Variants in TCF7L2 observed in about 807,000 individuals in gnomAD.
TCF7L2 encodes the protein transcription factor 7 like 2.
A neutral mutation model predicts 77.9 loss-of-function variants in TCF7L2; 23 were observed. The ratio of observed to expected loss-of-function variants is 0.30; its 90% confidence interval spans 0.21 to 0.42. TCF7L2 has a LOEUF of 0.42. Ranked by LOEUF, TCF7L2 falls within the 10% of genes least tolerant of loss-of-function variation. The pLI is 1.00. For synonymous variants in TCF7L2, 413 were observed against 340.2 expected, an observed-to-expected ratio of 1.21 and a Z score of -2.36; for missense variants, 654 against 793.1, an observed-to-expected ratio of 0.82 and a Z score of 2.11.
At chr10:113,137,957 G>A (rs1361244430) in intron 5 of TCF7L2, among the ~76,000 whole-genome samples, 1 of 152,188 alleles carries the variant, frequency 6.6e-6, no homozygotes, top group Non-Finnish European at 1.5e-5. Flanking sequence ...GTCTGAGGCC[G>A]GAGAGACATA....
rs2074008695 is a variant in TCF7L2, at chr10:113,165,778, C to T, written c.1615C>T (p.Leu539=). 2 of 1,606,910 alleles carry T rather than the reference C, an allele frequency of 1.2e-6. No individual in the cohort carries two copies. Among genetic ancestry groups the T allele is most frequent in the East Asian group, 2.2e-5 (1 of 44,816 alleles). Residue 539 remains leucine, a synonymous_variant, in exon 14 of 14, where the codon CTG becomes TTG. Coordinates refer to ENST00000627217, the MANE Select transcript of TCF7L2 (RefSeq NM_001146274.2). ...CATGATGCCTCCGCCACCCGCCCTC[C>T]TGCTCGCTGAGGCCACCCACAAGGC... is the stretch of plus-strand genomic sequence containing the variant.
At chr10:113,147,297 G>C (rs2069661471) in intron 8 of TCF7L2, among the ~76,000 whole-genome samples, 1 of 152,196 alleles carries the variant, frequency 6.6e-6, no homozygotes, top group African/African-American at 2.4e-5. Context: ...GCCAAGACCA[G>C]AGAAGGGCCT....
chr10:113,163,521 C>G (rs1277063284), intron 13 of TCF7L2, among the ~76,000 whole-genome samples: 1 of 152,016 alleles, frequency 6.6e-6, no homozygotes, highest in East Asian at 1.9e-4. Flanking sequence ...TTCCTTCTCC[C>G]ATTTTTAAAA....
chr10:113,164,347 G>A (rs1481933327), intron 13 of TCF7L2, among the ~76,000 whole-genome samples: 1 of 152,130 alleles, frequency 6.6e-6, no homozygotes, highest in Non-Finnish European at 1.5e-5. Flanking sequence ...TGCTGGTTTT[G>A]GTGCAGGGCA....
intron 4 of TCF7L2, among the ~76,000 whole-genome samples, chr10:112,976,799 C>T (rs1228355642): frequency 1.3e-5 from 2 of 152,238 alleles, no homozygotes; most frequent in East Asian, 3.9e-4. Context: ...TTCTTTTCCA[C>T]GTATCTTAGA....
chr10:113,083,552 C>T (rs2059533776), intron 5 of TCF7L2, among the ~76,000 whole-genome samples: 1 of 152,114 alleles, frequency 6.6e-6, no homozygotes, highest in South Asian at 2.1e-4. Context: ...TCAAAGTTAC[C>T]TCATCTTCAG....
intron 3 of TCF7L2, among the ~76,000 whole-genome samples, chr10:112,955,254 C>G (rs899464649): frequency 2.0e-5 from 3 of 152,126 alleles, no homozygotes; most frequent in African/African-American, 7.2e-5. Context: ...AACAGGTGTT[C>G]TTACCCTTCT....
At position 113,166,565 on chromosome 10, in the gene TCF7L2, G is replaced by A. The variant is rs2074051295; in HGVS notation, c.*593G>A. The A allele has an allele frequency of 4.6e-6, 1 of 219,260 alleles. No individual in the cohort carries two copies. Among genetic ancestry groups the A allele is most frequent in the Non-Finnish European group, 9.1e-6 (1 of 110,054 alleles). The allele number at this position is 219,260 out of a possible 1,614,324, so 13.6% of individuals were successfully genotyped here. A position where few individuals can be genotyped will look rare whatever the true frequency, so the allele number is the denominator to read the frequency against. On this transcript the variant is annotated 3_prime_UTR_variant, in exon 14 of 14. Transcript: ENST00000627217. The stretch of plus-strand genomic sequence containing the variant: ...TTAATATACCTTGTTCCATGGTGTT[G>A]TTCTTTTGGGGGGAGGGGACGCTAC...
At chr10:113,126,648 A>G (rs961036932) in intron 5 of TCF7L2, 4 of 984,870 alleles carry the variant, frequency 4.1e-6, no homozygotes, top group African/African-American at 1.8e-5. Flanking sequence ...GCTCTTCCCT[A>G]TCAAGCGAGA....
At chr10:113,133,922 C>T (rs996679229) in intron 5 of TCF7L2, among the ~76,000 whole-genome samples, 6 of 152,160 alleles carry the variant, frequency 3.9e-5, no homozygotes, top group Admixed American at 2.0e-4. Flanking sequence ...TGCAGCAGCC[C>T]GGCCAGAGGA....
At chr10:112,959,937 G>GCAGCTACACTTTCCTCTCT (rs2034630111) in intron 3 of TCF7L2, among the ~76,000 whole-genome samples, 1 of 151,800 alleles carries the variant, frequency 6.6e-6, no homozygotes, top group Non-Finnish European at 1.5e-5. Flanking sequence ...ACAGGGTAGA[G>GCAGCTACACTTTCCTCTCT]AGGAAAGTGG....
At chr10:113,063,909 T>TGTGTG (rs1181484763) in intron 5 of TCF7L2, among the ~76,000 whole-genome samples, 3 of 151,220 alleles carry the variant, frequency 2.0e-5, no homozygotes, top group African/African-American at 7.3e-5. Flanking sequence ...TGTGTGTGTG[T>TGTGTG]GTGTGTGTGT....
chr10:113,121,378 T>C (rs1316129405), intron 5 of TCF7L2, among the ~76,000 whole-genome samples: 1 of 152,212 alleles, frequency 6.6e-6, no homozygotes, highest in African/African-American at 2.4e-5. Context: ...TGATCAATCC[T>C]CTCGACATGA....
chr10:113,131,373 C>T (rs1000810347), intron 5 of TCF7L2, among the ~76,000 whole-genome samples: 4 of 152,106 alleles, frequency 2.6e-5, no homozygotes, highest in African/African-American at 9.7e-5. Flanking sequence ...TAGCTGTGTG[C>T]AACTCTTTGG....
chr10:113,018,528 A>G (rs912721537), intron 4 of TCF7L2, among the ~76,000 whole-genome samples: 13 of 145,890 alleles, frequency 8.9e-5, no homozygotes, highest in Non-Finnish European at 1.9e-4. Context: ...GCTCACTGCA[A>G]CCGCTGCCTC....
At chr10:112,964,812 T>TGGTGGTG (rs1564719427) in intron 4 of TCF7L2, among the ~76,000 whole-genome samples, 188 bp downstream of exon 4, 1 of 38,282 alleles carries the variant, frequency 2.6e-5, no homozygotes, top group Admixed American at 3.3e-4. Flanking sequence ...GTGGTGGTGG[T>TGGTGGTG]GGGGGGGGGT....
chr10:113,121,727 C>T (rs1009136516), intron 5 of TCF7L2, among the ~76,000 whole-genome samples: 4 of 151,726 alleles, frequency 2.6e-5, no homozygotes, highest in Non-Finnish European at 5.9e-5. Context: ...CACTTGCACA[C>T]GCACACATAC....
chr10:113,008,274 G>A (rs566124281), intron 4 of TCF7L2, among the ~76,000 whole-genome samples: 12 of 152,118 alleles, frequency 7.9e-5, no homozygotes, highest in South Asian at 2.1e-4. Flanking sequence ...CCACACCTGC[G>A]TTGGGTACCT....
chr10:113,084,051 C>T (rs1390310484), intron 5 of TCF7L2, among the ~76,000 whole-genome samples: 6 of 152,158 alleles, frequency 3.9e-5, no homozygotes, highest in Admixed American at 6.5e-5. Context: ...CTTTCAGAGA[C>T]GCACAAATCC....
Sources: allele counts gnomAD v4.1 joint callset (sites outside exome capture counted in the v4.1 genomes callset), GRCh38; gene constraint gnomAD v4.1.1; transcripts MANE v1.5; gene names NCBI Gene and HGNC (gene_info 2026-07-23, HGNC 2026-07-21).